Variants in ADD3 observed in about 807,000 individuals in gnomAD.
ADD3 encodes gamma-adducin.
In ADD3, 25 loss-of-function variants were observed where a neutral mutation model predicts 80.2. The ratio of observed to expected loss-of-function variants is 0.31; its 90% CI spans 0.23 to 0.44. The LOEUF (loss-of-function observed/expected upper bound fraction) is 0.44. ADD3 is among the 20% of genes least tolerant of loss of function. The pLI, the probability that ADD3 is intolerant of heterozygous loss-of-function variation, is 1.00. For synonymous variants in ADD3, 284 were observed against 289.6 expected (o/e 0.98, Z 0.20); for missense variants, 829 against 847.5 (o/e 0.98, Z 0.27).
At chr10:110,003,796 C>T (rs961118087), upstream of ADD3, among the ~76,000 whole-genome samples, 4 of 152,226 alleles carry the variant, frequency 2.6e-5, no homozygotes, top group Admixed American at 6.5e-5. Flanking sequence ...AAATCAGGCA[C>T]GTCTAAAGAG....
chr10:110,082,670 T>C (rs745428020), intron 1 of ADD3, among the ~76,000 whole-genome samples: 3 of 152,240 alleles, frequency 2.0e-5, no homozygotes, highest in Non-Finnish European at 4.4e-5. Context: ...CTTTGGTGTT[T>C]GAAGATAACA....
At chr10:110,040,488 G>T (rs973788194) in intron 1 of ADD3, among the ~76,000 whole-genome samples, 8 of 152,112 alleles carry the variant, frequency 5.3e-5, no homozygotes, top group African/African-American at 1.9e-4. Flanking sequence ...GTACTTAATT[G>T]CATATTTAAG....
intron 9 of ADD3, 140 bp from the exon 10 acceptor site, chr10:110,123,877 G>A: frequency 1.2e-6 from 1 of 802,358 alleles, no homozygotes; most frequent in East Asian, 2.5e-5. Flanking sequence ...TGAAAGTTAT[G>A]TGGTGTTTGG....
At chr10:110,000,964 C>G (rs543123303), upstream of ADD3, among the ~76,000 whole-genome samples, 1 of 152,250 alleles carries the variant, frequency 6.6e-6, no homozygotes, top group Non-Finnish European at 1.5e-5. Flanking sequence ...ACTAAGAACA[C>G]TAGACAAGAA....
At chr10:110,099,658 A>G (rs1383016204) in intron 1 of ADD3, among the ~76,000 whole-genome samples, 1 of 152,222 alleles carries the variant, frequency 6.6e-6, no homozygotes, top group Non-Finnish European at 1.5e-5. Context: ...GGAGTGTTTC[A>G]TCTATTTGTG....
chr10:110,067,477 G>C (rs1345562756), intron 1 of ADD3, among the ~76,000 whole-genome samples: 2 of 152,158 alleles, frequency 1.3e-5, no homozygotes, highest in East Asian at 3.8e-4. Flanking sequence ...GGACCAGCAG[G>C]AATGAGTTTA....
chr10:110,066,649 C>T (rs961723573), intron 1 of ADD3, among the ~76,000 whole-genome samples: 7 of 151,826 alleles, frequency 4.6e-5, no homozygotes, highest in Non-Finnish European at 1.0e-4. Flanking sequence ...TTGTGGGGTT[C>T]TCTGTAACTC....
chr10:110,130,243 G>C, intron 12 of ADD3, 120 bp from the exon 13 acceptor site: 2 of 998,358 alleles, frequency 2.0e-6, no homozygotes, highest in South Asian at 1.6e-5. Flanking sequence ...TCTTAGGATT[G>C]TTGTGAAATA....
intron 1 of ADD3, among the ~76,000 whole-genome samples, chr10:110,063,783 A>G (rs1472581464): frequency 3.2e-5 from 4 of 123,338 alleles, no homozygotes; most frequent in African/African-American, 1.3e-4. Flanking sequence ...ATATATATAT[A>G]AAGTGAACAC....
chr10:110,040,945 G>T lies in ADD3; in HGVS notation c.-30+32646G>T, dbSNP rs202198764. Among the ~76,000 whole-genome samples, 349 of 91,000 alleles carry T rather than the reference G, an allele frequency of 3.8e-3. 2 individuals carry two copies. Among genetic ancestry groups the T allele is most frequent in the African/African-American group, 0.011 (326 of 29,228 alleles). The allele number at this position is 91,000 out of a possible 152,430, so 59.7% of individuals were successfully genotyped here. Reference sequence around the variant, plus strand: ...CTCTCTCTCGCTCTCTCTCTCTCTCGCTCTCTCTGTCTCTCTCTGTCTCTC... The same window carrying T: ...CTCTCTCTCGCTCTCTCTCTCTCTCTCTCTCTCTGTCTCTCTCTGTCTCTC... On this transcript the variant is annotated intron_variant, in intron 1 of 14. Coordinates refer to ENST00000356080, the MANE Select transcript of ADD3 (RefSeq NM_016824.5).
chr10:110,078,965 CTCTTA>C (rs1488432097), intron 1 of ADD3, among the ~76,000 whole-genome samples: 1 of 152,036 alleles, frequency 6.6e-6, no homozygotes, highest in East Asian at 1.9e-4. Flanking sequence ...TCCATTAATA[CTCTTA>C]TCTTTTCCTA....
intron 1 of ADD3, among the ~76,000 whole-genome samples, chr10:110,043,175 G>A (rs1198023355): frequency 6.6e-6 from 1 of 152,192 alleles, no homozygotes; most frequent in Non-Finnish European, 1.5e-5. Flanking sequence ...TGTTGGGCCA[G>A]CCCAGTTTTC....
chr10:110,040,570 A>G (rs910911238), intron 1 of ADD3, among the ~76,000 whole-genome samples: 11 of 152,180 alleles, frequency 7.2e-5, no homozygotes, highest in African/African-American at 2.2e-4. Context: ...ACATATACAT[A>G]CCATGTTGTG....
At chr10:110,065,543 T>TTTTTTTTTTTTG in intron 1 of ADD3, among the ~76,000 whole-genome samples, 1 of 81,760 alleles carries the variant, frequency 1.2e-5, no homozygotes, top group African/African-American at 4.3e-5. Context: ...TCTCCCCTTT[T>TTTTTTTTTTTTG]TTTTTTTTTT....
chr10:110,082,505 C>T (rs1564944949), intron 1 of ADD3, among the ~76,000 whole-genome samples: 1 of 152,102 alleles, frequency 6.6e-6, no homozygotes, highest in Non-Finnish European at 1.5e-5. Flanking sequence ...ATTAAACTGT[C>T]TTACGAGATA....
In ADD3 at chr10:110,015,185, C is replaced by CA. The variant is rs1852811089; in HGVS notation, c.-30+6888dup. Among the ~76,000 whole-genome samples the CA allele has an allele frequency of 2.0e-5, 3 of 152,194 alleles. No homozygotes were observed. The South Asian group carries it at 6.2e-4, about 32-fold the overall frequency. Reference sequence around the variant, plus strand: ...TAAAAGGAATTTTTTTCTTTCTCCACAACTGTCTGCTTGTTAAATTTCGAA... The same window carrying CA: ...TAAAAGGAATTTTTTTCTTTCTCCACAAACTGTCTGCTTGTTAAATTTCGAA... On this transcript the variant is annotated intron_variant, in intron 1 of 14. Coordinates refer to ENST00000356080, the MANE Select transcript of ADD3 (RefSeq NM_016824.5).
At chr10:110,122,547 C>T (rs186892130) in intron 9 of ADD3, among the ~76,000 whole-genome samples, 19 of 152,116 alleles carry the variant, frequency 1.2e-4, no homozygotes, top group Admixed American at 4.6e-4. Context: ...ACTTTTTCCT[C>T]CTAACTGAAA....
At chr10:110,085,966 G>A (rs554702144) in intron 1 of ADD3, among the ~76,000 whole-genome samples, 3 of 152,132 alleles carry the variant, frequency 2.0e-5, no homozygotes, top group South Asian at 4.1e-4. Context: ...TTAGCTGGGC[G>A]TGGTGGTACA....
intron 1 of ADD3, among the ~76,000 whole-genome samples, chr10:110,042,688 T>TG (rs1404595390): frequency 2.8e-4 from 3 of 10,810 alleles, no homozygotes; most frequent in South Asian, 0.091. Flanking sequence ...TCTGGTGCTG[T>TG]TTTTTTTTTT....
Sources: allele counts gnomAD v4.1 joint callset (sites outside exome capture counted in the v4.1 genomes callset), GRCh38; gene constraint gnomAD v4.1.1; transcripts MANE v1.5; gene names NCBI Gene and HGNC (gene_info 2026-07-23, HGNC 2026-07-21).